Variants in EPB41L5 observed in about 807,000 individuals in gnomAD.
EPB41L5 encodes band 4.1-like protein 5.
Under a neutral mutation model 106.6 loss-of-function variants are expected in EPB41L5, and 55 were observed. The ratio of observed to expected loss-of-function variants is 0.52; its 90% confidence interval spans 0.42 to 0.65. EPB41L5 has a LOEUF of 0.65. EPB41L5 is among the 30% of genes least tolerant of loss of function. EPB41L5 has a pLI of 0.00. For synonymous variants in EPB41L5, 297 were observed against 306.7 expected, an observed-to-expected ratio of 0.97 and a Z score of 0.33; for missense variants, 871 against 882.1, an observed-to-expected ratio of 0.99 and a Z score of 0.16.
intron 2 of EPB41L5, among the ~76,000 whole-genome samples, chr2:120,036,569 T>G (rs1357206365): frequency 6.6e-6 from 1 of 152,234 alleles, no homozygotes; most frequent in Non-Finnish European, 1.5e-5. Flanking sequence ...ATGTGTGTGT[T>G]TTCTTGTTTT....
chr2:120,110,138 T>C (rs1259421205), intron 16 of EPB41L5, among the ~76,000 whole-genome samples: 1 of 152,248 alleles, frequency 6.6e-6, no homozygotes, highest in Non-Finnish European at 1.5e-5. Flanking sequence ...ACAAATGACC[T>C]GCATATTTCT....
At chr2:120,035,954 G>T (rs1309934660) in intron 2 of EPB41L5, among the ~76,000 whole-genome samples, 2 of 152,128 alleles carry the variant, frequency 1.3e-5, no homozygotes, top group African/African-American at 4.8e-5. Context: ...GGTGGCTGCA[G>T]TCTGGTTTAG....
At chr2:120,129,931 A>AG (rs1225817050) in intron 17 of EPB41L5, among the ~76,000 whole-genome samples, 5 of 152,318 alleles carry the variant, frequency 3.3e-5, no homozygotes, top group African/African-American at 1.2e-4. Flanking sequence ...GGATCACCTG[A>AG]GGTCAGCAGT....
At chr2:120,113,557 T>C (rs988401546) in intron 16 of EPB41L5, among the ~76,000 whole-genome samples, 1 of 152,232 alleles carries the variant, frequency 6.6e-6, no homozygotes. Flanking sequence ...TTTAAGTGTA[T>C]AATTCAGTGG....
chr2:120,125,593 C>T (rs1685423101), intron 16 of EPB41L5, among the ~76,000 whole-genome samples: 4 of 152,120 alleles, frequency 2.6e-5, no homozygotes. Flanking sequence ...CTTTTAGAGC[C>T]TCCATTTACC....
At chr2:120,159,149 G>T (rs1687023960) in intron 20 of EPB41L5, among the ~76,000 whole-genome samples, 1 of 151,970 alleles carries the variant, frequency 6.6e-6, no homozygotes, top group Non-Finnish European at 1.5e-5. Flanking sequence ...TATTGGCTGG[G>T]TGCAGTGGCT....
intron 1 of EPB41L5, among the ~76,000 whole-genome samples, chr2:120,017,068 G>GAT (rs1356289911): frequency 6.6e-6 from 1 of 152,142 alleles, no homozygotes; most frequent in Non-Finnish European, 1.5e-5. Context: ...TTAAAAATCG[G>GAT]ATTTTATCGG....
At chr2:120,018,793 C>T (rs1558797230) in intron 1 of EPB41L5, among the ~76,000 whole-genome samples, 1 of 152,070 alleles carries the variant, frequency 6.6e-6, no homozygotes, top group Non-Finnish European at 1.5e-5. Flanking sequence ...GGACCACAGG[C>T]ATGCACCACC....
At chr2:120,135,006 A>G (rs1302576426) in intron 18 of EPB41L5, among the ~76,000 whole-genome samples, 1 of 152,220 alleles carries the variant, frequency 6.6e-6, no homozygotes, top group Admixed American at 6.5e-5. Context: ...GTGACCTTTC[A>G]GGCAGATAAT....
In EPB41L5 at chr2:120,127,814, G is replaced by C. The variant is rs1352378832; in HGVS notation, c.1464G>C (p.Arg488Ser). The C allele has an allele frequency of 1.9e-6, 3 of 1,612,348 alleles. No homozygotes were observed. In the Admixed American group the frequency reaches 5.0e-5, roughly 27 times the overall value. ...TGAATGACGTTAATGTAGCCACCAG[G>C]CTTCCGGGATTAGGGGAACCTGAAG... ...QALNDVNVAT[R>S]LPGLGEPEVE... The change falls in exon 17 of 25, where the codon AGG becomes AGC. Residue 488 changes from arginine (R) to serine (S), a missense_variant. Physicochemically the swap from Arg to Ser is moderately radical, Grantham distance 110. Coordinates refer to ENST00000263713, the MANE Select transcript of EPB41L5 (RefSeq NM_020909.4).
chr2:120,039,489 T>C (rs180839671), intron 2 of EPB41L5, among the ~76,000 whole-genome samples: 22 of 152,228 alleles, frequency 1.4e-4, no homozygotes, highest in Admixed American at 1.0e-3. Context: ...GTTGGGTCAG[T>C]GTACTCGAAA....
At chr2:120,014,043 C>T (rs1463083081) in intron 1 of EPB41L5, among the ~76,000 whole-genome samples, 1 of 152,134 alleles carries the variant, frequency 6.6e-6, no homozygotes, top group Non-Finnish European at 1.5e-5. Context: ...TATTCGAAAA[C>T]GATATGCGTA....
intron 19 of EPB41L5, among the ~76,000 whole-genome samples, chr2:120,145,028 A>G (rs1455952796): frequency 6.6e-6 from 1 of 152,238 alleles, no homozygotes; most frequent in African/African-American, 2.4e-5. Context: ...CAAAATCTAC[A>G]ACATCATAAT....
chr2:120,016,291 G>T (rs1487822439), intron 1 of EPB41L5, among the ~76,000 whole-genome samples: 1 of 152,052 alleles, frequency 6.6e-6, no homozygotes, highest in Non-Finnish European at 1.5e-5. Context: ...TTAGCTGGGC[G>T]TGGTGGCTGG....
intron 2 of EPB41L5, among the ~76,000 whole-genome samples, chr2:120,024,661 G>C (rs1214208753): frequency 6.6e-6 from 1 of 152,022 alleles, no homozygotes; most frequent in Non-Finnish European, 1.5e-5. Flanking sequence ...GGGTTTCACC[G>C]TGTTACCCAG....
At chr2:120,029,158 G>A (rs1019817086) in intron 2 of EPB41L5, among the ~76,000 whole-genome samples, 14 of 151,896 alleles carry the variant, frequency 9.2e-5, no homozygotes, top group African/African-American at 2.9e-4. Flanking sequence ...CAGTAATTGC[G>A]GTTTTTGTTG....
At chr2:120,084,750 T>G (rs1682937380) in intron 10 of EPB41L5, among the ~76,000 whole-genome samples, 1 of 152,200 alleles carries the variant, frequency 6.6e-6, no homozygotes, top group Non-Finnish European at 1.5e-5. Context: ...TCCCCTTGAC[T>G]TTCAGGTACA....
intron 24 of EPB41L5, among the ~76,000 whole-genome samples, chr2:120,168,885 C>CATCTAGTAAA (rs1441602131): frequency 1.3e-5 from 2 of 152,192 alleles, no homozygotes; most frequent in African/African-American, 2.4e-5. Context: ...GGGAAGCTTA[C>CATCTAGTAAA]ATCTAGTAAA....
intron 17 of EPB41L5, among the ~76,000 whole-genome samples, chr2:120,129,765 A>G (rs745903024): frequency 1.8e-4 from 28 of 152,222 alleles, no homozygotes; most frequent in Non-Finnish European, 3.5e-4. Context: ...TTTATTGGTG[A>G]ACCTTGGATG....
Sources: gnomAD v4.1 joint callset for allele counts (sites outside exome capture counted in the v4.1 genomes callset) on GRCh38, gnomAD v4.1.1 for gene constraint, MANE v1.5 for transcripts, NCBI Gene and HGNC (gene_info 2026-07-23, HGNC 2026-07-21) for gene names.